The following LYPD6 variants were observed in gnomAD, a reference collection of about 807,000 sequenced individuals.
LYPD6 encodes ly6/PLAUR domain-containing protein 6.
In LYPD6, 15 loss-of-function variants were observed where a neutral mutation model predicts 22.7. The ratio of observed to expected loss-of-function variants is 0.66; its 90% CI spans 0.44 to 1.02. The LOEUF (loss-of-function observed/expected upper bound fraction) is 1.02. LYPD6 is among the 50% of genes least tolerant of loss of function. The probability of loss-of-function intolerance (pLI) is 0.00; values close to 1 mark genes in which losing one functional copy is unlikely to be tolerated. For synonymous variants in LYPD6, 72 were observed against 77.5 expected (o/e 0.93, Z 0.37); for missense variants, 189 against 208.4 (o/e 0.91, Z 0.57).
chr2:149,380,758 T>C (rs1682041797), intron 1 of LYPD6, among the ~76,000 whole-genome samples: 1 of 152,196 alleles, frequency 6.6e-6, no homozygotes, highest in Admixed American at 6.6e-5. Flanking sequence ...GGATGGTATT[T>C]AAAGCCATCA....
intron 2 of LYPD6, among the ~76,000 whole-genome samples, chr2:149,443,768 T>C (rs1683619099): frequency 6.6e-6 from 1 of 152,120 alleles, no homozygotes; most frequent in South Asian, 2.1e-4. Flanking sequence ...CCTTAGAGAT[T>C]ATTGCAGGAT....
chr2:149,480,681 G>A, the LYPD6 span, among the ~76,000 whole-genome samples: 2 of 152,098 alleles, frequency 1.3e-5, no homozygotes, highest in Non-Finnish European at 2.9e-5. Context: ...TGTTATTGCC[G>A]TGCACCACCC....
At chr2:149,367,621 T>G (rs1681704485) in intron 1 of LYPD6, 1 of 152,178 alleles carries the variant, frequency 6.6e-6, no homozygotes, top group African/African-American at 2.4e-5. Context: ...GACCTTTTTT[T>G]CGTAGTTAAA....
At position 149,470,942 on chromosome 2, in the gene LYPD6, A is replaced by T. The variant is rs1429275286; in HGVS notation, c.*92A>T. 6.9e-6 allele frequency: 8 copies of T among 1,162,756 alleles called. No homozygotes were observed. The South Asian group carries it at 1.2e-4, about 17-fold the overall frequency. 72.0% of individuals were successfully genotyped at this position (1,162,756 alleles called of 1,614,324 possible). ...GTCATTGGCCTGACAGTAATTACAC[A>T]TGTGAGACACAACACTCTTGGAGGT... On this transcript the variant is annotated 3_prime_UTR_variant, in exon 5 of 5. Coordinates refer to ENST00000334166, the MANE Select transcript of LYPD6 (RefSeq NM_194317.5).
At chr2:149,391,398 C>T (rs958413311) in intron 1 of LYPD6, among the ~76,000 whole-genome samples, 1 of 152,030 alleles carries the variant, frequency 6.6e-6, no homozygotes, top group Non-Finnish European at 1.5e-5. Context: ...AAACTTCTTG[C>T]CCTAAAGAAA....
chr2:149,455,179 T>TATTC (rs1043955499), intron 3 of LYPD6, among the ~76,000 whole-genome samples: 7 of 152,182 alleles, frequency 4.6e-5, no homozygotes. Flanking sequence ...ATTTTAATTT[T>TATTC]ATTCTGTTTC....
rs186171748 is a variant in LYPD6 at position 149,465,407 on chromosome 2, C to T, written c.218-3238C>T. Among the ~76,000 whole-genome samples the T allele has an allele frequency of 2.6e-4, 39 of 152,258 alleles. 1 individual carries two copies. Among genetic ancestry groups the T allele is most frequent in the Admixed American group, 5.9e-4 (9 of 15,288 alleles). On this transcript the variant is annotated intron_variant, in intron 3 of 4. Transcript: ENST00000334166. ...GGGGCAGGGAGAGAGCAGGCAGCTG[C>T]GACTGGCCTTTCATTTTTCAGTATA...
chr2:149,469,313 A>G (rs984005356), intron 4 of LYPD6, among the ~76,000 whole-genome samples: 3 of 152,172 alleles, frequency 2.0e-5, no homozygotes, highest in Admixed American at 6.5e-5. Context: ...ATACGGAAAC[A>G]CATGGTGCCT....
intron 1 of LYPD6, among the ~76,000 whole-genome samples, chr2:149,418,387 G>A (rs1219414281): frequency 2.6e-5 from 4 of 151,686 alleles, no homozygotes; most frequent in Non-Finnish European, 4.4e-5. Context: ...TAGTAGCAAG[G>A]ATGTTGCTCA....
intron 1 of LYPD6, among the ~76,000 whole-genome samples, chr2:149,384,492 G>A (rs1682135578): frequency 6.6e-6 from 1 of 152,154 alleles, no homozygotes; most frequent in Non-Finnish European, 1.5e-5. Context: ...CTTTGTTCCT[G>A]GGCAAAGGCT....
chr2:149,448,901 A>C (rs2105162106), intron 2 of LYPD6, 148 bp from the exon 3 acceptor site: 2 of 584,610 alleles, frequency 3.4e-6, no homozygotes, highest in Admixed American at 3.3e-5. Flanking sequence ...CCAAGAGTAA[A>C]GTTGCTGGGT....
At chr2:149,357,934 T>C (rs1410486678) in intron 1 of LYPD6, among the ~76,000 whole-genome samples, 1 of 152,000 alleles carries the variant, frequency 6.6e-6, no homozygotes, top group Non-Finnish European at 1.5e-5. Flanking sequence ...TACAAGCGTG[T>C]GCCACCATGC....
intron 1 of LYPD6, among the ~76,000 whole-genome samples, chr2:149,374,470 A>ATGATATTGGGAAT (rs1353640084): frequency 2.6e-5 from 4 of 152,188 alleles, no homozygotes; most frequent in African/African-American, 9.7e-5. Flanking sequence ...GAATGAAGGC[A>ATGATATTGGGAAT]ACAATTTGAG....
intron 1 of LYPD6, among the ~76,000 whole-genome samples, chr2:149,429,446 CCCCTTCCTT>C (rs1442007698): frequency 6.6e-6 from 1 of 152,210 alleles, no homozygotes; most frequent in African/African-American, 2.4e-5. Context: ...TAAAATGCTT[CCCCTTCCTT>C]CCCAGTTGCA....
chr2:149,350,957 G>A (rs1681347102), intron 1 of LYPD6, among the ~76,000 whole-genome samples: 1 of 152,170 alleles, frequency 6.6e-6, no homozygotes, highest in Admixed American at 6.5e-5. Context: ...TCCAGGAACT[G>A]GACGGTATAC....
chr2:149,435,070 G>T (rs146696215), intron 1 of LYPD6, among the ~76,000 whole-genome samples: 162 of 152,286 alleles, frequency 1.1e-3, no homozygotes, highest in African/African-American at 3.7e-3. Flanking sequence ...ATAAAGCTGA[G>T]ACCCTAATCC....
chr2:149,473,075 A>G lies in LYPD6; in HGVS notation c.*2225A>G, dbSNP rs1237833095. ...TTGCATCTAAAGATGCTATAAGACA[A>G]TGAAAGTTTGATGTTGTACATACCT... On this transcript the variant is annotated 3_prime_UTR_variant, in exon 5 of 5. Coordinates refer to ENST00000334166, the MANE Select transcript of LYPD6 (RefSeq NM_194317.5). 3 of 152,484 alleles carry G rather than the reference A, an allele frequency of 2.0e-5. No individual in the cohort carries two copies. The highest frequency in any genetic ancestry group is 3.9e-4 in the East Asian group (2 of 5,194). The allele number at this position is 152,484 out of a possible 1,614,324, so 9.4% of individuals were successfully genotyped here. A position where few individuals can be genotyped will look rare whatever the true frequency, so the allele number is the denominator to read the frequency against.
chr2:149,392,201 TC>T (rs2105099335), intron 1 of LYPD6, among the ~76,000 whole-genome samples: 1 of 152,260 alleles, frequency 6.6e-6, no homozygotes, highest in South Asian at 2.1e-4. Flanking sequence ...CCTGAACTCA[TC>T]TAACCCTAAT....
At chr2:149,336,735 AC>A (rs1358962346) in intron 1 of LYPD6, among the ~76,000 whole-genome samples, 1 of 152,170 alleles carries the variant, frequency 6.6e-6, no homozygotes, top group Non-Finnish European at 1.5e-5. Flanking sequence ...TAGATTAAAC[AC>A]ATATTCTTAT....
Sources: gnomAD v4.1 joint callset for allele counts (sites outside exome capture counted in the v4.1 genomes callset) on GRCh38, gnomAD v4.1.1 for gene constraint, MANE v1.5 for transcripts, NCBI Gene and HGNC (gene_info 2026-07-23, HGNC 2026-07-21) for gene names.